The following TLR6 variants were observed in gnomAD, a reference collection of about 807,000 sequenced individuals.
The protein encoded by TLR6 is toll-like receptor 6.
In TLR6, 9 loss-of-function variants were observed where a neutral mutation model predicts 16.1. That is an observed-to-expected ratio of 0.56 (90% confidence interval 0.34 to 0.98). The LOEUF (loss-of-function observed/expected upper bound fraction) is 0.98. TLR6 is among the 50% of genes least tolerant of loss of function. TLR6 has a pLI of 0.02. For synonymous variants in TLR6, 340 were observed against 338.6 expected, an observed-to-expected ratio of 1.00 and a Z score of -0.04; for missense variants, 786 against 921.0, an observed-to-expected ratio of 0.85 and a Z score of 1.90.
intron 1 of TLR6, among the ~76,000 whole-genome samples, chr4:38,830,748 G>C (rs1451386758): frequency 1.3e-5 from 2 of 151,946 alleles, no homozygotes; most frequent in Admixed American, 6.6e-5. Flanking sequence ...AACACCTCTG[G>C]GAAAGGGGGA....
chr4:38,829,718 T>C (rs1200125019), intron 1 of TLR6, among the ~76,000 whole-genome samples, 181 bp from the exon 2 acceptor site: 2 of 152,150 alleles, frequency 1.3e-5, no homozygotes. Context: ...GAAGGGGCAA[T>C]ATAGGCCTTG....
At chr4:38,823,383 T>A (rs1727401388), downstream of TLR6, among the ~76,000 whole-genome samples, 1 of 152,236 alleles carries the variant, frequency 6.6e-6, no homozygotes, top group Non-Finnish European at 1.5e-5. Flanking sequence ...GAGTGCACTC[T>A]ATGATGTTCA....
chr4:38,832,679 G>A (rs1406234287), intron 1 of TLR6, among the ~76,000 whole-genome samples: 1 of 152,008 alleles, frequency 6.6e-6, no homozygotes, highest in Non-Finnish European at 1.5e-5. Context: ...CACCCCTGAA[G>A]CCCCACTGAT....
upstream of TLR6, among the ~76,000 whole-genome samples, chr4:38,858,386 T>A (rs1579264597): frequency 6.6e-6 from 1 of 152,106 alleles, no homozygotes; most frequent in South Asian, 2.1e-4. Flanking sequence ...TTTTGTATGC[T>A]GAGGGGTAAA....
upstream of TLR6, among the ~76,000 whole-genome samples, chr4:38,859,565 C>CTT (rs372944785): frequency 0.18 from 21,793 of 121,776 alleles, 4,706 homozygotes; most frequent in African/African-American, 0.48. Flanking sequence ...GATTATTGGC[C>CTT]TTTTTTTTTT....
exon 2 of TLR6, chr4:38,824,385 G>C (rs1003375382): frequency 6.6e-6 from 1 of 152,246 alleles, no homozygotes; most frequent in African/African-American, 2.4e-5. Context: ...ATGTGACGGA[G>C]AGGACTGTGA....
At chr4:38,864,949 G>A in the TLR6 span, among the ~76,000 whole-genome samples, 7 of 152,156 alleles carry the variant, frequency 4.6e-5, no homozygotes, top group South Asian at 2.1e-4. Context: ...GTCTGAGGCC[G>A]CACTGAGCCG....
chr4:38,866,074 G>A, the TLR6 span, among the ~76,000 whole-genome samples: 1 of 151,724 alleles, frequency 6.6e-6, no homozygotes, highest in African/African-American at 2.4e-5. Flanking sequence ...AGGAGATGGA[G>A]ATGGTGCCAC....
intron 1 of TLR6, among the ~76,000 whole-genome samples, chr4:38,852,996 G>C (rs1712828467): frequency 6.6e-6 from 1 of 151,872 alleles, no homozygotes; most frequent in South Asian, 2.1e-4. Context: ...GTCCATCAAT[G>C]ATAGACTGGA....
chr4:38,846,104 A>G (rs1446480004), intron 1 of TLR6, among the ~76,000 whole-genome samples: 14 of 150,710 alleles, frequency 9.3e-5, no homozygotes, highest in East Asian at 3.9e-4. Context: ...AAAAAAAAAA[A>G]AAAGAAAAGA....
chr4:38,842,199 G>A (rs888239385), intron 1 of TLR6, among the ~76,000 whole-genome samples: 4 of 152,116 alleles, frequency 2.6e-5, no homozygotes, highest in African/African-American at 9.7e-5. Context: ...GCCAGGAGGT[G>A]GATCTGCCTG....
intron 1 of TLR6, among the ~76,000 whole-genome samples, chr4:38,847,093 C>A (rs1466805336): frequency 6.6e-6 from 1 of 151,960 alleles, no homozygotes; most frequent in Non-Finnish European, 1.5e-5. Flanking sequence ...TTGAGTAAGT[C>A]AAACAAGAAA....
At chr4:38,851,050 T>C (rs550717638) in intron 1 of TLR6, among the ~76,000 whole-genome samples, 1 of 152,146 alleles carries the variant, frequency 6.6e-6, no homozygotes, top group African/African-American at 2.4e-5. Context: ...GTGGGCTTCA[T>C]CCCTGGGATG....
chr4:38,850,181 C>T (rs192677142), intron 1 of TLR6, among the ~76,000 whole-genome samples: 7 of 152,186 alleles, frequency 4.6e-5, no homozygotes, highest in Admixed American at 2.6e-4. Context: ...TTGAAACCAG[C>T]GAGGACAAAG....
At chr4:38,859,172 G>A (rs1688111108), upstream of TLR6, among the ~76,000 whole-genome samples, 1 of 152,210 alleles carries the variant, frequency 6.6e-6, no homozygotes, top group Non-Finnish European at 1.5e-5. Flanking sequence ...ATGCACTTAA[G>A]CATCATACTA....
At chr4:38,827,893 C>T in exon 2 of TLR6, 1 of 1,614,076 alleles carries the variant, frequency 6.2e-7, no homozygotes, top group East Asian at 2.2e-5. Context: ...ATGGATTGTC[C>T]CCTGCTTTTA....
intron 1 of TLR6, among the ~76,000 whole-genome samples, chr4:38,844,198 C>T (rs1236246695): frequency 6.6e-6 from 1 of 152,160 alleles, no homozygotes; most frequent in African/African-American, 2.4e-5. Context: ...GTAACTCAGA[C>T]AATACTTACC....
intron 1 of TLR6, among the ~76,000 whole-genome samples, chr4:38,834,564 T>C (rs1429712016): frequency 1.3e-5 from 2 of 152,120 alleles, no homozygotes; most frequent in Non-Finnish European, 2.9e-5. Flanking sequence ...GTAGATTTAA[T>C]TCAAAAATGT....
intron 1 of TLR6, 37 bp from the exon 2 acceptor site, chr4:38,829,574 G>C: frequency 1.4e-6 from 1 of 707,944 alleles, no homozygotes; most frequent in Non-Finnish European, 2.3e-6. Flanking sequence ...AATAAAGATC[G>C]GATGGTTACT....
Sources: allele counts gnomAD v4.1 joint callset (sites outside exome capture counted in the v4.1 genomes callset), GRCh38; gene constraint gnomAD v4.1.1; transcripts MANE v1.5; gene names NCBI Gene and HGNC (gene_info 2026-07-23, HGNC 2026-07-21).